Variants in GUCY1A2 observed in about 807,000 individuals in gnomAD.
The protein encoded by GUCY1A2 is guanylate cyclase 1 soluble subunit alpha 2.
GUCY1A2 carries 27 observed loss-of-function variants against 63.5 expected under a neutral mutation model. That is an observed-to-expected ratio of 0.43 (90% CI 0.31 to 0.59). GUCY1A2 has a LOEUF of 0.59. Among genes scored for constraint, GUCY1A2 ranks in the 20% least tolerant of loss-of-function variants. GUCY1A2 has a pLI of 0.11. For missense variants in GUCY1A2, 768 were observed against 913.3 expected, an observed-to-expected ratio of 0.84 and a Z score of 2.05; for synonymous variants, 364 against 343.5, an observed-to-expected ratio of 1.06 and a Z score of -0.66.
chr11:106,777,241 C>T (rs1394566517), intron 5 of GUCY1A2, among the ~76,000 whole-genome samples: 2 of 151,980 alleles, frequency 1.3e-5, no homozygotes, highest in Admixed American at 6.6e-5. Context: ...ACGAGGTCAG[C>T]ATATCGAGAC....
At chr11:106,982,370 C>T (rs1195690965) in intron 2 of GUCY1A2, among the ~76,000 whole-genome samples, 1 of 152,068 alleles carries the variant, frequency 6.6e-6, no homozygotes, top group African/African-American at 2.4e-5. Flanking sequence ...ATCTTTCCAC[C>T]CCACACCACC....
intron 3 of GUCY1A2, among the ~76,000 whole-genome samples, chr11:106,952,053 T>C (rs562865935): frequency 2.0e-4 from 31 of 152,152 alleles, no homozygotes; most frequent in African/African-American, 6.8e-4. Context: ...GTTGCAGATA[T>C]GTGGTGTTAT....
rs193192850 is a variant in GUCY1A2, at chr11:106,698,443, T to C, written c.1991+10069A>G. ...GGTCTGGATGTCAGAACTATAATAA[T>C]TTTTTAAATAAGCATTTTTTGGAAT... On this transcript the variant is annotated intron_variant, in intron 7 of 7. Transcript: ENST00000526355. Among the ~76,000 whole-genome samples the C allele has an allele frequency of 6.8e-3, 1,040 of 152,136 alleles. 6 individuals are homozygous for C. The highest frequency in any genetic ancestry group is 0.024 in the Middle Eastern group (7 of 294).
rs111914791 is a variant in GUCY1A2, at chr11:106,805,437, CG to C, written c.1692+4555del. ...ATTTTTGTATTTTTAGTAGAGACAG[CG>C]TTTCACCAGGTTGGCCAGGCTGGTC... On this transcript the variant is annotated intron_variant, in intron 5 of 7. Coordinates refer to ENST00000526355, the MANE Select transcript of GUCY1A2 (RefSeq NM_000855.3). Among the ~76,000 whole-genome samples the C allele has an allele frequency of 1.3e-3, 200 of 151,838 alleles. 1 individual carries two copies. Among genetic ancestry groups the C allele is most frequent in the African/African-American group, 4.5e-3 (188 of 41,426 alleles).
At chr11:106,949,346 T>C (rs1591339434) in intron 3 of GUCY1A2, among the ~76,000 whole-genome samples, 2 of 152,160 alleles carry the variant, frequency 1.3e-5, no homozygotes, top group Non-Finnish European at 2.9e-5. Flanking sequence ...CACACCTCTA[T>C]ACCAGCCATT....
At position 107,017,846 on chromosome 11, in the gene GUCY1A2, G is replaced by A. The variant is rs772797641; in HGVS notation, c.210C>T (p.Ala70=). ...APTPAASAAA[A]AATAGARRVQ... ...CCCTCCTGGCCCCGGCAGTGGCAGC[G>A]GCGGCGGCGGCAGAAGCAGCCGGGG... Residue 70 remains alanine, a synonymous_variant, in exon 1 of 8, where the codon GCC becomes GCT. Transcript: ENST00000526355. The A allele has an allele frequency of 5.6e-6, 7 of 1,241,492 alleles. No homozygotes were observed. Among genetic ancestry groups the A allele is most frequent in the Admixed American group, 4.1e-5 (1 of 24,570 alleles). The allele number at this position is 1,241,492 out of a possible 1,614,324, so 76.9% of individuals were successfully genotyped here. A position where few individuals can be genotyped will look rare whatever the true frequency, so the allele number is the denominator to read the frequency against.
At chr11:106,998,277 AGGAG>A (rs1282244123) in intron 1 of GUCY1A2, among the ~76,000 whole-genome samples, 1 of 152,202 alleles carries the variant, frequency 6.6e-6, no homozygotes, top group Non-Finnish European at 1.5e-5. Flanking sequence ...AACTTGGAAA[AGGAG>A]AGAGAGAGGG....
chr11:106,763,188 TC>T, intron 6 of GUCY1A2, among the ~76,000 whole-genome samples: 1 of 152,200 alleles, frequency 6.6e-6, no homozygotes, highest in East Asian at 1.9e-4. Flanking sequence ...AAAAGCTCTT[TC>T]CCCTAAGTTA....
At chr11:106,949,775 A>G (rs917779229) in intron 3 of GUCY1A2, among the ~76,000 whole-genome samples, 2 of 152,224 alleles carry the variant, frequency 1.3e-5, no homozygotes, top group African/African-American at 2.4e-5. Flanking sequence ...GAAGAAACAT[A>G]TATGCTAAGG....
intron 4 of GUCY1A2, among the ~76,000 whole-genome samples, chr11:106,893,397 T>TA (rs1470887981): frequency 6.6e-6 from 1 of 152,114 alleles, no homozygotes; most frequent in East Asian, 1.9e-4. Flanking sequence ...AAAAAAAACT[T>TA]AAAGGATTGG....
chr11:106,826,691 C>G, intron 4 of GUCY1A2: 1 of 1,609,516 alleles, frequency 6.2e-7, no homozygotes, highest in Admixed American at 1.7e-5. Context: ...AAGCTGAAAT[C>G]CATGTCAATA....
chr11:106,760,899 T>C (rs1160786139), intron 6 of GUCY1A2, among the ~76,000 whole-genome samples: 1 of 152,098 alleles, frequency 6.6e-6, no homozygotes, highest in Non-Finnish European at 1.5e-5. Flanking sequence ...GAATTAATAG[T>C]TTTAAAAGAT....
chr11:106,955,610 T>C (rs374311246), intron 3 of GUCY1A2, among the ~76,000 whole-genome samples: 1 of 152,100 alleles, frequency 6.6e-6, no homozygotes, highest in South Asian at 2.1e-4. Flanking sequence ...TTATTTAAGA[T>C]ATTAAATATT....
At chr11:106,841,353 T>A (rs1236723470) in intron 4 of GUCY1A2, among the ~76,000 whole-genome samples, 3 of 151,874 alleles carry the variant, frequency 2.0e-5, no homozygotes, top group African/African-American at 7.2e-5. Flanking sequence ...ATTTCTCTTT[T>A]CAAAACACTT....
At chr11:106,850,462 G>C (rs1204485709) in intron 4 of GUCY1A2, among the ~76,000 whole-genome samples, 1 of 151,654 alleles carries the variant, frequency 6.6e-6, no homozygotes, top group Non-Finnish European at 1.5e-5. Context: ...CTATCTAGCT[G>C]TAATTTTTGT....
At chr11:106,858,058 C>T (rs527597515) in intron 4 of GUCY1A2, among the ~76,000 whole-genome samples, 1 of 152,270 alleles carries the variant, frequency 6.6e-6, no homozygotes, top group East Asian at 1.9e-4. Flanking sequence ...ACCTGAAAGG[C>T]AATGTGCCCC....
intron 6 of GUCY1A2, among the ~76,000 whole-genome samples, chr11:106,733,712 T>C (rs528669248): frequency 6.6e-6 from 1 of 151,474 alleles, no homozygotes; most frequent in African/African-American, 2.4e-5. Context: ...GGGGAACTGA[T>C]TGGAACTAAT....
chr11:106,956,209 T>C (rs1860982156), intron 3 of GUCY1A2, among the ~76,000 whole-genome samples: 1 of 151,972 alleles, frequency 6.6e-6, no homozygotes, highest in Admixed American at 6.5e-5. Flanking sequence ...CTTAGCTTCG[T>C]TGCATTGGGT....
intron 4 of GUCY1A2, among the ~76,000 whole-genome samples, chr11:106,846,145 T>C (rs1027771768): frequency 4.0e-5 from 6 of 151,576 alleles, no homozygotes; most frequent in African/African-American, 1.4e-4. Flanking sequence ...TAATACTCAA[T>C]TGGATCCTAG....
Sources: allele counts gnomAD v4.1 joint callset (sites outside exome capture counted in the v4.1 genomes callset), GRCh38; gene constraint gnomAD v4.1.1; transcripts MANE v1.5; gene names NCBI Gene and HGNC (gene_info 2026-07-23, HGNC 2026-07-21).